The following XPO7 variants were observed in gnomAD, a reference collection of about 807,000 sequenced individuals.
XPO7 encodes exportin-7.
XPO7 carries 21 observed loss-of-function variants against 144.3 expected under a neutral mutation model. The ratio of observed to expected loss-of-function variants is 0.15; its 90% confidence interval spans 0.10 to 0.21. XPO7 has a LOEUF of 0.21. Ranked by LOEUF, XPO7 falls within the 10% of genes least tolerant of loss-of-function variation. The pLI is 1.00. For synonymous variants in XPO7, 580 were observed against 499.6 expected (o/e 1.16, Z -2.15); for missense variants, 808 against 1,325.8 (o/e 0.61, Z 6.06).
chr8:21,947,284 C>A (rs927801485), intron 1 of XPO7, among the ~76,000 whole-genome samples: 1 of 151,956 alleles, frequency 6.6e-6, no homozygotes, highest in African/African-American at 2.4e-5. Context: ...AGATACACTG[C>A]CTAATTTTGG....
chr8:21,930,020 A>T (rs1421130046), intron 1 of XPO7, among the ~76,000 whole-genome samples: 2 of 152,228 alleles, frequency 1.3e-5, no homozygotes, highest in Non-Finnish European at 2.9e-5. Context: ...TAGGAATCTA[A>T]ATGCACCAGC....
intron 7 of XPO7, 130 bp from the exon 8 acceptor site, chr8:21,977,640 C>A (rs1463205675): frequency 3.6e-6 from 3 of 840,678 alleles, no homozygotes; most frequent in African/African-American, 1.8e-5. Flanking sequence ...CTTATCACTT[C>A]CAAAGGAAAT....
At chr8:21,925,360 G>A (rs1810426357) in intron 1 of XPO7, among the ~76,000 whole-genome samples, 1 of 152,148 alleles carries the variant, frequency 6.6e-6, no homozygotes. Flanking sequence ...TTTAAGAGAA[G>A]GCAGAATTGG....
rs1299172192 is a variant in XPO7, at chr8:21,974,781, A to C, written c.597+7A>C. The C allele has an allele frequency of 2.6e-6, 4 of 1,550,884 alleles. No individual in the cohort carries two copies. The highest frequency in any genetic ancestry group is 2.0e-5 in the Admixed American group (1 of 50,450). On this transcript the variant is annotated splice_region_variant and intron_variant, in intron 6 of 27. Transcript: ENST00000252512. ...CTGCAATTTACTAAAACAGGTGAGC[A>C]TGTAGTTTGGGTCATATTTCCCAGT...
chr8:22,002,452 G>A (rs1813182861), intron 25 of XPO7, among the ~76,000 whole-genome samples, 180 bp downstream of exon 25: 1 of 152,206 alleles, frequency 6.6e-6, no homozygotes, highest in African/African-American at 2.4e-5. Flanking sequence ...ACTGGATGTA[G>A]AAAACGCTCA....
chr8:21,921,229 A>T (rs1037323772), intron 1 of XPO7, among the ~76,000 whole-genome samples: 1 of 152,240 alleles, frequency 6.6e-6, no homozygotes, highest in Non-Finnish European at 1.5e-5. Flanking sequence ...TGTGATTTTT[A>T]AAAATTCTTG....
rs374654720 is a variant in XPO7 at position 21,982,841 on chromosome 8, G to A, written c.1277+29G>A. On this transcript the variant is annotated intron_variant, in intron 11 of 27. Coordinates refer to ENST00000252512, the MANE Select transcript of XPO7 (RefSeq NM_015024.5). The stretch of plus-strand genomic sequence containing the variant: ...AGGAAACTTAGCCTCATTCATTCCC[G>A]CACCAGTGGCCTGTTGTCACACTTC... The A allele has an allele frequency of 9.4e-5, 148 of 1,567,130 alleles. No homozygotes were observed. In the African/African-American group the frequency reaches 1.7e-3, roughly 18 times the overall value.
At chr8:21,982,133 A>G (rs893817587) in intron 10 of XPO7, among the ~76,000 whole-genome samples, 4 of 152,214 alleles carry the variant, frequency 2.6e-5, no homozygotes, top group South Asian at 2.1e-4. Context: ...AGTCACCCCA[A>G]AAAAGCCAAG....
chr8:21,966,207 G>A, intron 1 of XPO7: 2 of 744,894 alleles, frequency 2.7e-6, no homozygotes, highest in Non-Finnish European at 5.0e-6. Context: ...TGCTAGGGTT[G>A]AATTTATTTT....
intron 6 of XPO7, among the ~76,000 whole-genome samples, chr8:21,975,625 A>T (rs1029538862): frequency 6.6e-6 from 1 of 152,190 alleles, no homozygotes; most frequent in African/African-American, 2.4e-5. Flanking sequence ...ACTTAGTTTT[A>T]CCTTAGAATT....
Position 21,982,009 on chromosome 8 carries a change from GT to G in XPO7, c.1104+134del. 4 of 1,188,914 alleles carry G rather than the reference GT, an allele frequency of 3.4e-6. No homozygotes were observed. The Admixed American group carries it at 9.5e-5, about 28-fold the overall frequency. 73.6% of individuals were successfully genotyped at this position (1,188,914 alleles called of 1,614,324 possible). A position where few individuals can be genotyped will look rare whatever the true frequency, so the allele number is the denominator to read the frequency against. Reference sequence around the variant, plus strand: ...AAGTCCAGTATAGCCCTACAGAGTAGTTACTATTGTGGCCTGTGATTTACAT... The same window carrying G: ...AAGTCCAGTATAGCCCTACAGAGTAGTACTATTGTGGCCTGTGATTTACAT... On this transcript the variant is annotated intron_variant, in intron 10 of 27. Transcript: ENST00000252512.
At chr8:21,951,263 G>A (rs116143815) in intron 1 of XPO7, among the ~76,000 whole-genome samples, 20 of 151,614 alleles carry the variant, frequency 1.3e-4, no homozygotes, top group Non-Finnish European at 2.1e-4. Flanking sequence ...GGTTAAGTAC[G>A]TCTTTTTTTT....
intron 1 of XPO7, among the ~76,000 whole-genome samples, chr8:21,930,690 AATTG>A (rs1810615530): frequency 3.3e-5 from 5 of 152,214 alleles, no homozygotes; most frequent in Non-Finnish European, 7.3e-5. Flanking sequence ...GTAGCATAAT[AATTG>A]TACCGTAGGT....
At chr8:21,974,093 G>C (rs1003006640) in intron 5 of XPO7, among the ~76,000 whole-genome samples, 1 of 108,132 alleles carries the variant, frequency 9.2e-6, no homozygotes, top group East Asian at 2.5e-4. Context: ...AAGAGACTCT[G>C]CTGCCCAGGC....
chr8:21,944,755 G>A (rs898376934), intron 1 of XPO7, among the ~76,000 whole-genome samples: 15 of 152,128 alleles, frequency 9.9e-5, no homozygotes, highest in Middle Eastern at 3.4e-3. Context: ...GCCGCCTTCC[G>A]CCTTCCGCAT....
At chr8:21,985,882 A>G (rs1395182690) in intron 13 of XPO7, among the ~76,000 whole-genome samples, 191 bp downstream of exon 13, 4 of 152,232 alleles carry the variant, frequency 2.6e-5, no homozygotes, top group Non-Finnish European at 4.4e-5. Flanking sequence ...ACCAGCAATA[A>G]TTCAGAAAGG....
chr8:21,937,836 A>G (rs550927312), intron 1 of XPO7, among the ~76,000 whole-genome samples: 8 of 152,296 alleles, frequency 5.3e-5, no homozygotes, highest in African/African-American at 1.7e-4. Flanking sequence ...GCAAGTAGGA[A>G]TGTTACGTAA....
At chr8:21,954,453 G>T (rs943965119) in intron 1 of XPO7, among the ~76,000 whole-genome samples, 1 of 152,104 alleles carries the variant, frequency 6.6e-6, no homozygotes, top group Admixed American at 6.5e-5. Context: ...GACCAGCATG[G>T]TGAAACCCCA....
chr8:21,969,533 A>G lies in XPO7; in HGVS notation c.216A>G (p.Ser72=). The G allele has an allele frequency of 6.2e-7, 1 of 1,613,814 alleles. No homozygotes were observed. The highest frequency in any genetic ancestry group is 8.5e-7 in the Non-Finnish European group (1 of 1,179,814). The part of the protein sequence containing the change: ...LAATCLTKLV[S]RTNNPLPLEQ... Reference sequence around the variant, plus strand: ...CTACATGCCTTACCAAGCTTGTATCACGCACAAACAACCCCCTACCATTGG... The same window carrying G: ...CTACATGCCTTACCAAGCTTGTATCGCGCACAAACAACCCCCTACCATTGG... The change falls in exon 3 of 28, where the codon TCA becomes TCG. Residue 72 remains serine, a synonymous_variant. Coordinates refer to ENST00000252512, the MANE Select transcript of XPO7 (RefSeq NM_015024.5).
Sources: gnomAD v4.1 joint callset for allele counts (sites outside exome capture counted in the v4.1 genomes callset) on GRCh38, gnomAD v4.1.1 for gene constraint, MANE v1.5 for transcripts, NCBI Gene and HGNC (gene_info 2026-07-23, HGNC 2026-07-21) for gene names.